GBF1: variants seen among roughly 807,000 people sequenced by gnomAD.
GBF1 encodes the protein golgi brefeldin A resistant guanine nucleotide exchange factor 1, also known as Golgi-specific brefeldin A-resistance guanine nucleotide exchange factor 1.
GBF1 carries 114 observed loss-of-function variants against 210.5 expected under a neutral mutation model. The ratio of observed to expected loss-of-function variants is 0.54; its 90% CI spans 0.47 to 0.63. The LOEUF is 0.63. Among genes scored for constraint, GBF1 ranks in the 30% least tolerant of loss-of-function variants. GBF1 has a pLI of 0.00. For synonymous variants in GBF1, 850 were observed against 889.2 expected (o/e 0.96, Z 0.78); for missense variants, 1,851 against 2,357.7 (o/e 0.79, Z 4.45).
chr10:102,323,385 G>A (rs1179682099), intron 3 of GBF1, among the ~76,000 whole-genome samples: 1 of 152,034 alleles, frequency 6.6e-6, no homozygotes, highest in Non-Finnish European at 1.5e-5. Context: ...GACACAAGCT[G>A]TACCTCTTGA....
At position 102,367,541 on chromosome 10, in the gene GBF1, G is replaced by A. The variant is rs567914594; in HGVS notation, c.2623G>A (p.Asp875Asn). The A allele has an allele frequency of 2.5e-6, 4 of 1,592,664 alleles. No individual in the cohort carries two copies. The Admixed American group carries it at 6.7e-5, about 27-fold the overall frequency. Residue 875 changes from aspartate (D) to asparagine (N), a missense_variant, in exon 21 of 40, where the codon GAC becomes AAC. By Grantham distance (23) the Asp-to-Asn change is conservative. This residue lies in a region of GBF1 where 80 missense variants were observed against 151.4 expected (regional missense o/e 0.53). Transcript: ENST00000369983. Reference protein sequence around the residue: ...GKDFEQDILEDMYHAIKNEEI... With the variant: ...GKDFEQDILENMYHAIKNEEI... ...GGACTTTGAGCAAGACATCCTGGAGGACATGTACCATGCCATCAAGTGAGT... is the reference window on the plus strand; with the variant it reads ...GGACTTTGAGCAAGACATCCTGGAGAACATGTACCATGCCATCAAGTGAGT...
chr10:102,315,112 A>G (rs1278185290), intron 3 of GBF1, among the ~76,000 whole-genome samples: 5 of 152,224 alleles, frequency 3.3e-5, no homozygotes, highest in African/African-American at 4.8e-5. Context: ...CCTGGAAATA[A>G]CAAGAAATCT....
chr10:102,359,320 T>A lies in GBF1; in HGVS notation c.1065T>A (p.Pro355=), dbSNP rs767579207. The A allele has an allele frequency of 6.2e-7, 1 of 1,611,720 alleles. No individual in the cohort carries two copies. The highest frequency in any genetic ancestry group is 8.5e-7 in the Non-Finnish European group (1 of 1,177,782). Residue 355 remains proline, a synonymous_variant, in exon 11 of 40, where the codon CCT becomes CCA. Transcript: ENST00000369983. ...KSQSASVESI[P]EVLEECTSPA... is the part of the protein sequence containing the mutation. ...AGTCAGCATCTGTGGAGTCCATCCCTGAAGTGTTAGAGGAGTGCACGTCCC... is the reference window on the plus strand; with the variant it reads ...AGTCAGCATCTGTGGAGTCCATCCCAGAAGTGTTAGAGGAGTGCACGTCCC...
At chr10:102,317,167 T>A (rs1487611916) in intron 3 of GBF1, among the ~76,000 whole-genome samples, 12 of 152,022 alleles carry the variant, frequency 7.9e-5, no homozygotes, top group Admixed American at 7.9e-4. Context: ...CACAGTGGCA[T>A]GTGTTGGTAG....
chr10:102,292,275 C>T (rs1477759137), intron 3 of GBF1, among the ~76,000 whole-genome samples: 2 of 151,718 alleles, frequency 1.3e-5, no homozygotes, highest in African/African-American at 4.8e-5. Context: ...TCTGGAATCT[C>T]TGGGACAAAC....
In GBF1 at chr10:102,328,318, A is replaced by G. The variant is rs552827679; in HGVS notation, c.164-15733A>G. On this transcript the variant is annotated intron_variant, in intron 3 of 39. Coordinates refer to ENST00000369983, the MANE Select transcript of GBF1 (RefSeq NM_001377137.1). ...AACCAGCCTGGGAAATAATAGCAGG[A>G]CCTCGTCTCTACAAAGAAAAAATTT... 3.3e-5 allele frequency among the ~76,000 whole-genome samples: 5 copies of G among 152,138 alleles called. No individual in the cohort carries two copies. The South Asian group carries it at 1.0e-3, about 32-fold the overall frequency.
In GBF1 at chr10:102,368,747, C is replaced by G; in HGVS notation, c.2888C>G (p.Ala963Gly). ...GGGGGGTAACATTACAGGAAGTGCG[C>G]CATGATCTCCGCCCACTATGGCCTC... ...QKAISGFRKC[A>G]MISAHYGLSD... Residue 963 changes from alanine (A) to glycine (G), a missense_variant, in exon 23 of 40, where the codon GCC becomes GGC. Physicochemically the swap from Ala to Gly is moderately conservative, Grantham distance 60. Coordinates refer to ENST00000369983, the MANE Select transcript of GBF1 (RefSeq NM_001377137.1). The G allele has an allele frequency of 1.9e-6, 3 of 1,611,536 alleles. No individual in the cohort carries two copies. The highest frequency in any genetic ancestry group is 2.5e-6 in the Non-Finnish European group (3 of 1,177,710).
At chr10:102,311,072 C>A (rs935511700) in intron 3 of GBF1, among the ~76,000 whole-genome samples, 2 of 152,152 alleles carry the variant, frequency 1.3e-5, no homozygotes, top group Non-Finnish European at 2.9e-5. Flanking sequence ...CACAAGTACC[C>A]CATGTCCAGG....
At position 102,360,206 on chromosome 10, in the gene GBF1, T is replaced by G. The variant is rs2059513588; in HGVS notation, c.1203T>G (p.Gly401=). The G allele has an allele frequency of 2.5e-6, 4 of 1,613,432 alleles. No individual in the cohort carries two copies. Among genetic ancestry groups the G allele is most frequent in the Non-Finnish European group, 3.4e-6 (4 of 1,179,484 alleles). ...CAGGCACAGCTTTGGTCCCCTATGG[T>G]CTTCCCTGCATCCGCGAGCTCTTCC... is the stretch of plus-strand genomic sequence containing the variant. ...QKEGTALVPY[G]LPCIRELFRF... The change falls in exon 12 of 40, where the codon GGT becomes GGG. Residue 401 remains glycine, a synonymous_variant. Transcript: ENST00000369983.
intron 3 of GBF1, among the ~76,000 whole-genome samples, chr10:102,301,588 C>T (rs1589551188): frequency 2.6e-5 from 4 of 151,322 alleles, no homozygotes; most frequent in South Asian, 4.2e-4. Context: ...ACTTCTCAGA[C>T]GGGGCGGCCG....
At chr10:102,339,617 G>A (rs1199410193) in intron 3 of GBF1, among the ~76,000 whole-genome samples, 2 of 151,348 alleles carry the variant, frequency 1.3e-5, no homozygotes, top group Non-Finnish European at 2.9e-5. Flanking sequence ...AGTGAGCCAA[G>A]ATCGAGCCAC....
At chr10:102,374,027 A>G (rs1397775435) in intron 29 of GBF1, among the ~76,000 whole-genome samples, 2 of 152,224 alleles carry the variant, frequency 1.3e-5, no homozygotes, top group Non-Finnish European at 1.5e-5. Context: ...TTCCACTTAT[A>G]TAACATTTTT....
chr10:102,336,299 CAAAA>C (rs566414701), intron 3 of GBF1, among the ~76,000 whole-genome samples: 2 of 49,058 alleles, frequency 4.1e-5, no homozygotes, highest in African/African-American at 1.4e-4. Flanking sequence ...GACTTTGTCT[CAAAA>C]AAAAAAAAAA....
At chr10:102,345,419 G>A (rs1403728424) in intron 4 of GBF1, among the ~76,000 whole-genome samples, 3 of 150,396 alleles carry the variant, frequency 2.0e-5, no homozygotes, top group Admixed American at 6.6e-5. Flanking sequence ...TTTTGAGGCC[G>A]AGGCGGACGG....
At chr10:102,254,590 A>G (rs2072065952) in intron 1 of GBF1, among the ~76,000 whole-genome samples, 1 of 152,160 alleles carries the variant, frequency 6.6e-6, no homozygotes, top group Non-Finnish European at 1.5e-5. Flanking sequence ...GGATGCCACA[A>G]AGCACTAGGG....
intron 8 of GBF1, among the ~76,000 whole-genome samples, chr10:102,354,384 C>T (rs1374436078): frequency 6.6e-6 from 1 of 152,192 alleles, no homozygotes; most frequent in Non-Finnish European, 1.5e-5. Context: ...CTCCATGTCT[C>T]CTCAACAAAC....
At chr10:102,359,461 A>C (rs1205470306) in intron 11 of GBF1, 26 bp downstream of exon 11, 3 of 1,575,946 alleles carry the variant, frequency 1.9e-6, no homozygotes, top group Non-Finnish European at 2.6e-6. Flanking sequence ...GGCTCTGCCA[A>C]TTCACCTCCC....
At chr10:102,279,446 A>G (rs1430495358) in intron 3 of GBF1, among the ~76,000 whole-genome samples, 1 of 152,186 alleles carries the variant, frequency 6.6e-6, no homozygotes, top group African/African-American at 2.4e-5. Context: ...TTGTTCTCAA[A>G]TCTATTTTAA....
intron 38 of GBF1, 145 bp from the exon 39 acceptor site, chr10:102,380,982 G>A (rs1265657676): frequency 4.8e-5 from 35 of 735,664 alleles, no homozygotes; most frequent in East Asian, 1.8e-4. Context: ...GTGACAGAAC[G>A]AGATTCCATC....
Sources: allele counts gnomAD v4.1 joint callset (sites outside exome capture counted in the v4.1 genomes callset), GRCh38; gene constraint gnomAD v4.1.1; regional missense constraint gnomAD v4.1.1; transcripts MANE v1.5; gene names NCBI Gene and HGNC (gene_info 2026-07-23, HGNC 2026-07-21).